Variants in ARHGAP44 observed in about 807,000 individuals in gnomAD.
ARHGAP44 encodes rho GTPase-activating protein 44.
ARHGAP44 carries 43 observed loss-of-function variants against 106.8 expected under a neutral mutation model. The ratio of observed to expected loss-of-function variants is 0.40; its 90% confidence interval spans 0.32 to 0.52. The LOEUF (loss-of-function observed/expected upper bound fraction) is 0.52. ARHGAP44 is among the 20% of genes least tolerant of loss of function. The pLI is 0.48. For synonymous variants in ARHGAP44, 439 were observed against 410.3 expected (o/e 1.07, Z -0.85); for missense variants, 866 against 1,050.5 (o/e 0.82, Z 2.43).
At chr17:12,879,465 T>C (rs1346528725) in intron 1 of ARHGAP44, among the ~76,000 whole-genome samples, 2 of 152,156 alleles carry the variant, frequency 1.3e-5, no homozygotes, top group African/African-American at 2.4e-5. Context: ...ATGACTTCTT[T>C]TCCTCTGAGT....
chr17:12,802,398 G>A (rs2034120859), intron 1 of ARHGAP44, among the ~76,000 whole-genome samples: 1 of 152,156 alleles, frequency 6.6e-6, no homozygotes, highest in Non-Finnish European at 1.5e-5. Flanking sequence ...TGTCGTCAGA[G>A]GCCACTGGCA....
chr17:12,815,276 C>T (rs778526290), intron 1 of ARHGAP44, among the ~76,000 whole-genome samples: 12 of 152,156 alleles, frequency 7.9e-5, no homozygotes, highest in Admixed American at 2.6e-4. Context: ...ATCTCATACA[C>T]GGCTGTCTAC....
chr17:12,841,989 G>A (rs1168531738), intron 1 of ARHGAP44, among the ~76,000 whole-genome samples: 2 of 152,058 alleles, frequency 1.3e-5, no homozygotes, highest in Admixed American at 6.5e-5. Flanking sequence ...CCGGTTTAGG[G>A]AAAGGAAAGT....
intron 1 of ARHGAP44, among the ~76,000 whole-genome samples, chr17:12,808,942 TA>T (rs1440504896): frequency 6.6e-6 from 1 of 152,234 alleles, no homozygotes; most frequent in East Asian, 1.9e-4. Flanking sequence ...TGAATGCTTT[TA>T]ACAGCACCCA....
Position 12,974,086 on chromosome 17 carries a change from C to G in ARHGAP44, c.1542-3C>G. 1 of 1,561,262 alleles carries G rather than the reference C, an allele frequency of 6.4e-7. No individual in the cohort carries two copies. Among genetic ancestry groups the G allele is most frequent in the Non-Finnish European group, 8.7e-7 (1 of 1,152,496 alleles). ...TAAGCGGTGTCTTTGTGTCCCTCGC[C>G]AGCATGGGTGTGAGGGTCATGGACA... On this transcript the variant is annotated splice_region_variant and splice_polypyrimidine_tract_variant and intron_variant, in intron 17 of 20. Coordinates refer to ENST00000379672, the MANE Select transcript of ARHGAP44 (RefSeq NM_014859.6).
intron 18 of ARHGAP44, among the ~76,000 whole-genome samples, chr17:12,978,194 A>T (rs1407211460): frequency 1.3e-5 from 2 of 152,104 alleles, no homozygotes; most frequent in Non-Finnish European, 2.9e-5. Flanking sequence ...GATGTTTTTG[A>T]TTGGTTGACT....
At chr17:12,837,371 TATGTA>T (rs2035265814) in intron 1 of ARHGAP44, among the ~76,000 whole-genome samples, 1 of 152,186 alleles carries the variant, frequency 6.6e-6, no homozygotes, top group African/African-American at 2.4e-5. Context: ...GAGAACATCT[TATGTA>T]ACCCATAAGT....
At chr17:12,970,301 G>A (rs2039492837) in intron 16 of ARHGAP44, among the ~76,000 whole-genome samples, 1 of 150,502 alleles carries the variant, frequency 6.6e-6, no homozygotes, top group Admixed American at 6.6e-5. Context: ...GAGAAGTTGG[G>A]GCTGCAGTGA....
chr17:12,859,814 G>A (rs912534955), intron 1 of ARHGAP44, among the ~76,000 whole-genome samples: 27 of 152,224 alleles, frequency 1.8e-4, no homozygotes, highest in Non-Finnish European at 3.5e-4. Context: ...AGCCACATGA[G>A]CAGGCACGGA....
chr17:12,952,134 C>A (rs751228479), intron 12 of ARHGAP44, among the ~76,000 whole-genome samples: 4 of 152,196 alleles, frequency 2.6e-5, no homozygotes, highest in Non-Finnish European at 4.4e-5. Context: ...TTTACATGAT[C>A]TGTTTCCACG....
In ARHGAP44 at chr17:12,958,829, C is replaced by G; in HGVS notation, c.1455C>G (p.Pro485=). The G allele has an allele frequency of 4.4e-6, 7 of 1,587,608 alleles. No homozygotes were observed. Among genetic ancestry groups the G allele is most frequent in the Non-Finnish European group, 6.0e-6 (7 of 1,168,378 alleles). Residue 485 remains proline, a synonymous_variant, in exon 16 of 21, where the codon CCC becomes CCG. Coordinates refer to ENST00000379672, the MANE Select transcript of ARHGAP44 (RefSeq NM_014859.6). This position sits in a 1 kb window ranked among gnomAD's most constrained non-coding sequence, Gnocchi z 4.1. ...PDMDPADRRQ[P]EQARRPLSVA... is the part of the protein sequence containing the mutation. ...TGGACCCTGCTGACCGGCGCCAGCCCGAGCAGGCCCGCCGGCCCCTCAGCG... is the reference window on the plus strand; with the variant it reads ...TGGACCCTGCTGACCGGCGCCAGCCGGAGCAGGCCCGCCGGCCCCTCAGCG...
At chr17:12,954,690 G>A (rs759665965) in intron 13 of ARHGAP44, among the ~76,000 whole-genome samples, 3 of 151,770 alleles carry the variant, frequency 2.0e-5, no homozygotes, top group Non-Finnish European at 4.4e-5. Flanking sequence ...TAACTGAGAG[G>A]CCAGAGAAAA....
At chr17:12,870,972 C>G (rs1490373198) in intron 1 of ARHGAP44, among the ~76,000 whole-genome samples, 2 of 152,006 alleles carry the variant, frequency 1.3e-5, no homozygotes, top group East Asian at 3.9e-4. Context: ...TTTTCTCTCT[C>G]TTCTTTTACT....
intron 1 of ARHGAP44, among the ~76,000 whole-genome samples, chr17:12,814,310 G>A (rs569920782): frequency 0.012 from 1,712 of 143,524 alleles, 13 homozygotes; most frequent in Non-Finnish European, 0.018. Context: ...GCGTGATCTC[G>A]GCTCACTGCA....
intron 1 of ARHGAP44, among the ~76,000 whole-genome samples, chr17:12,886,611 TTAG>T (rs1390602232): frequency 2.6e-5 from 4 of 152,188 alleles, no homozygotes; most frequent in Admixed American, 6.5e-5. Flanking sequence ...GTGTTCATTA[TTAG>T]TATGTACAAT....
intron 3 of ARHGAP44, among the ~76,000 whole-genome samples, chr17:12,907,207 G>A (rs916943088): frequency 6.6e-6 from 1 of 152,182 alleles, no homozygotes; most frequent in South Asian, 2.1e-4. Flanking sequence ...CTGAGAAGGT[G>A]CTAGTGGTTC....
At chr17:12,811,549 G>A (rs1299683789) in intron 1 of ARHGAP44, among the ~76,000 whole-genome samples, 2 of 152,140 alleles carry the variant, frequency 1.3e-5, no homozygotes, top group Admixed American at 6.5e-5. Context: ...GAAAAAGTCT[G>A]TGTATAAGTG....
chr17:12,982,125 C>T (rs1598160513), intron 19 of ARHGAP44, among the ~76,000 whole-genome samples: 1 of 152,308 alleles, frequency 6.6e-6, no homozygotes, highest in South Asian at 2.1e-4. Flanking sequence ...ACCCAGCCTC[C>T]TAATGCCAGT....
intron 3 of ARHGAP44, among the ~76,000 whole-genome samples, chr17:12,901,272 G>A (rs2037369297): frequency 6.6e-6 from 1 of 152,122 alleles, no homozygotes; most frequent in Non-Finnish European, 1.5e-5. Context: ...TGACCAGACT[G>A]TAGCGAATGG....
Sources: gnomAD v4.1 joint callset for allele counts (sites outside exome capture counted in the v4.1 genomes callset) on GRCh38, gnomAD v4.1.1 for gene constraint, Gnocchi (gnomAD v3.1) non-coding constraint, MANE v1.5 for transcripts, NCBI Gene and HGNC (gene_info 2026-07-23, HGNC 2026-07-21) for gene names.